The following TRIM36 variants were observed in gnomAD, a reference collection of about 807,000 sequenced individuals.
The protein encoded by TRIM36 is tripartite motif containing 36.
Under a neutral mutation model 72.4 loss-of-function variants are expected in TRIM36, and 42 were observed. The ratio of observed to expected loss-of-function variants is 0.58; its 90% CI spans 0.45 to 0.75. The LOEUF (loss-of-function observed/expected upper bound fraction) is 0.75, where lower values mean the gene tolerates loss of function less well. TRIM36 is among the 30% of genes least tolerant of loss of function. The probability of loss-of-function intolerance (pLI) is 0.00; values close to 1 mark genes in which losing one functional copy is unlikely to be tolerated. For synonymous variants in TRIM36, 315 were observed against 282.8 expected (o/e 1.11, Z -1.14); for missense variants, 913 against 857.1 (o/e 1.07, Z -0.81).
chr5:115,137,494 G>T lies in TRIM36; in HGVS notation c.954C>A (p.Asp318Glu), dbSNP rs775308222. ...AIDSSKKLRLDKFQTQMEEYQ... is the reference protein window; with the variant it reads ...AIDSSKKLRLEKFQTQMEEYQ... Reference sequence around the variant, plus strand: ...ACTCTTCCATTTGAGTCTGAAATTTGTCTAATCTTAGTTTCTTAGAGGAGT... The same window carrying T: ...ACTCTTCCATTTGAGTCTGAAATTTTTCTAATCTTAGTTTCTTAGAGGAGT... Residue 318 changes from aspartate to glutamate, a missense_variant, in exon 6 of 10, where the codon GAC becomes GAA. Asp to Glu is a conservative substitution (Grantham distance 45). Transcript: ENST00000513154. The T allele has an allele frequency of 6.2e-7, 1 of 1,614,092 alleles. No individual in the cohort carries two copies. The highest frequency in any genetic ancestry group is 1.7e-5 in the Admixed American group (1 of 60,020).
chr5:115,163,912 T>C (rs756313247), intron 1 of TRIM36, among the ~76,000 whole-genome samples, 160 bp from the exon 2 acceptor site: 3 of 152,124 alleles, frequency 2.0e-5, no homozygotes, highest in African/African-American at 7.2e-5. Flanking sequence ...TTTGATACCA[T>C]CAACTGCCCT....
At chr5:115,141,898 T>C (rs1753296455) in intron 4 of TRIM36, among the ~76,000 whole-genome samples, 2 of 152,166 alleles carry the variant, frequency 1.3e-5, no homozygotes, top group Non-Finnish European at 1.5e-5. Context: ...TTTATAAAAA[T>C]AGGCAATTTC....
chr5:115,137,395 G>A lies in TRIM36; in HGVS notation c.1053C>T (p.Cys351=), dbSNP rs367970847. 2.3e-5 allele frequency: 37 copies of A among 1,613,694 alleles called. No individual in the cohort carries two copies. The highest frequency in any genetic ancestry group is 5.0e-5 in the Admixed American group (3 of 59,968). Residue 351 remains cysteine (C), a synonymous_variant, in exon 6 of 10, where the codon TGC becomes TGT. Transcript: ENST00000513154. ...QEVLKETDQS[C]FVQTAKQLHL... ...GGAGCTGCTTTGCTGTCTGCACAAA[G>A]CAAGACTGATCTGTCTCCTTTAGCA...
intron 5 of TRIM36, among the ~76,000 whole-genome samples, chr5:115,139,312 C>A (rs693064): frequency 0.96 from 145,895 of 151,944 alleles, 70,090 homozygotes; most frequent in East Asian, 1. Context: ...TAGTACAGAC[C>A]GGGTTTTACC....
intron 5 of TRIM36, among the ~76,000 whole-genome samples, chr5:115,138,098 A>T (rs1753060715): frequency 6.6e-6 from 1 of 152,154 alleles, no homozygotes; most frequent in African/African-American, 2.4e-5. Flanking sequence ...AACTTTTTAA[A>T]AAGTTGTTTT....
upstream of TRIM36, chr5:115,170,973 T>C: frequency 7.3e-7 from 1 of 1,375,792 alleles, no homozygotes; most frequent in Non-Finnish European, 9.9e-7. Flanking sequence ...CAAATTAATT[T>C]AGGATTATTA....
At chr5:115,132,505 C>T (rs1383928859) in intron 8 of TRIM36, among the ~76,000 whole-genome samples, 3 of 147,044 alleles carry the variant, frequency 2.0e-5, no homozygotes, top group Middle Eastern at 3.5e-3. Flanking sequence ...GATGGTGCCA[C>T]TGTACTCCAG....
chr5:115,133,737 G>A (rs1467056658), intron 8 of TRIM36, 123 bp downstream of exon 8: 3 of 959,236 alleles, frequency 3.1e-6, no homozygotes, highest in Admixed American at 3.7e-5. Context: ...CTACTTTTCT[G>A]GAGTCTTTTA....
intron 7 of TRIM36, 21 bp downstream of exon 7, chr5:115,136,979 T>C: frequency 6.5e-7 from 1 of 1,549,242 alleles, no homozygotes; most frequent in East Asian, 2.3e-5. Context: ...GAATGAGGTT[T>C]TTGCCTTCAT....
At chr5:115,178,933 C>T (rs921212366) in intron 1 of TRIM36, among the ~76,000 whole-genome samples, 4 of 152,176 alleles carry the variant, frequency 2.6e-5, no homozygotes, top group African/African-American at 9.7e-5. Flanking sequence ...TATGCTATAT[C>T]TGCGGCGTTG....
At position 115,137,107 on chromosome 5, in the gene TRIM36, T is replaced by G. The variant is rs367925755; in HGVS notation, c.1103A>C (p.Glu368Ala). Reference sequence around the variant, plus strand: ...TGCAGGTCTAAAGCTCTTCAAAGATTCTGTGGCTTTCTGTATTCTGCAGAC... The same window carrying G: ...TGCAGGTCTAAAGCTCTTCAAAGATGCTGTGGCTTTCTGTATTCTGCAGAC... The part of the protein sequence containing the change: ...QLHLRIQKAT[E>A]SLKSFRPAAQ... Residue 368 changes from glutamate to alanine, a missense_variant, in exon 7 of 10, where the codon GAA becomes GCA. Coordinates refer to ENST00000513154, the MANE Select transcript of TRIM36 (RefSeq NM_001300759.2). 1 of 1,597,202 alleles carries G rather than the reference T, an allele frequency of 6.3e-7. No homozygotes were observed. The highest frequency in any genetic ancestry group is 1.4e-5 in the African/African-American group (1 of 73,850).
intron 5 of TRIM36, among the ~76,000 whole-genome samples, chr5:115,140,151 G>A (rs1753199935): frequency 6.6e-6 from 1 of 152,152 alleles, no homozygotes; most frequent in Non-Finnish European, 1.5e-5. Flanking sequence ...CAAAAGCACT[G>A]CTGGTAGTGG....
intron 3 of TRIM36, among the ~76,000 whole-genome samples, chr5:115,145,675 T>C (rs905665421): frequency 1.3e-5 from 2 of 152,184 alleles, no homozygotes; most frequent in African/African-American, 4.8e-5. Flanking sequence ...CACAGGCATG[T>C]GCCACCATGC....
intron 9 of TRIM36, among the ~76,000 whole-genome samples, chr5:115,129,776 CTT>C (rs1178031693): frequency 1.3e-5 from 2 of 152,092 alleles, no homozygotes; most frequent in African/African-American, 4.8e-5. Flanking sequence ...CAATAAAAAA[CTT>C]ATATAAAATT....
At chr5:115,155,765 T>C (rs997869594) in intron 2 of TRIM36, among the ~76,000 whole-genome samples, 1 of 152,162 alleles carries the variant, frequency 6.6e-6, no homozygotes, top group African/African-American at 2.4e-5. Flanking sequence ...AAGACAAGGA[T>C]GCCCACTCTT....
At chr5:115,167,946 T>C (rs987320958) in intron 1 of TRIM36, among the ~76,000 whole-genome samples, 1 of 152,144 alleles carries the variant, frequency 6.6e-6, no homozygotes, top group Non-Finnish European at 1.5e-5. Context: ...CTTACAAATA[T>C]GGCAGGAAGG....
At chr5:115,132,194 GTGTGTGTGTGTATA>G (rs1294969596) in intron 8 of TRIM36, among the ~76,000 whole-genome samples, 5 of 149,516 alleles carry the variant, frequency 3.3e-5, no homozygotes, top group Non-Finnish European at 5.9e-5. Context: ...ATGTGTGTGT[GTGTGTGTGTGTATA>G]TATATATATA....
intron 1 of TRIM36, chr5:115,177,673 T>G (rs1347153305): frequency 3.7e-6 from 6 of 1,606,524 alleles, no homozygotes; most frequent in Non-Finnish European, 5.1e-6. Flanking sequence ...GAAATAAGCT[T>G]ACGTTGAAAT....
At chr5:115,129,690 A>G (rs1210658543) in intron 9 of TRIM36, among the ~76,000 whole-genome samples, 3 of 152,202 alleles carry the variant, frequency 2.0e-5, no homozygotes, top group Non-Finnish European at 4.4e-5. Flanking sequence ...TAAGAACTCT[A>G]TTTCCTGGTT....
Sources: allele counts gnomAD v4.1 joint callset (sites outside exome capture counted in the v4.1 genomes callset), GRCh38; gene constraint gnomAD v4.1.1; transcripts MANE v1.5; gene names NCBI Gene and HGNC (gene_info 2026-07-23, HGNC 2026-07-21).